Variants in DLC1 observed in about 807,000 individuals in gnomAD.
DLC1 encodes rho GTPase-activating protein 7.
In DLC1, 54 loss-of-function variants were observed where a neutral mutation model predicts 140.3. The ratio of observed to expected loss-of-function variants is 0.38; its 90% CI spans 0.31 to 0.48. The LOEUF (loss-of-function observed/expected upper bound fraction) is 0.48. DLC1 is among the 20% of genes least tolerant of loss of function. The pLI, the probability that DLC1 is intolerant of heterozygous loss-of-function variation, is 0.96. For synonymous variants in DLC1, 986 were observed against 728.1 expected, an observed-to-expected ratio of 1.35 and a Z score of -5.70; for missense variants, 2,536 against 1,907.0, an observed-to-expected ratio of 1.33 and a Z score of -6.14.
chr8:13,501,934 A>G (rs1021814214), intron 1 of DLC1, among the ~76,000 whole-genome samples: 4 of 152,164 alleles, frequency 2.6e-5, no homozygotes, highest in Non-Finnish European at 4.4e-5. Flanking sequence ...AGGGTTTTAG[A>G]TACTTTTCTC....
At chr8:13,539,630 T>C (rs1240057196) in intron 1 of DLC1, among the ~76,000 whole-genome samples, 1 of 152,088 alleles carries the variant, frequency 6.6e-6, no homozygotes, top group Non-Finnish European at 1.5e-5. Context: ...CAGCAACTGA[T>C]GTCAGGAGTT....
intron 2 of DLC1, among the ~76,000 whole-genome samples, chr8:13,446,620 G>A (rs1342433682): frequency 6.6e-6 from 1 of 152,012 alleles, no homozygotes; most frequent in East Asian, 1.9e-4. Context: ...AGGGGAGGAG[G>A]AGAGGGAAGG....
At chr8:13,234,685 G>C (rs896910512) in intron 5 of DLC1, among the ~76,000 whole-genome samples, 2 of 151,752 alleles carry the variant, frequency 1.3e-5, no homozygotes, top group Non-Finnish European at 2.9e-5. Context: ...ATAAAATAAT[G>C]GTGCATATAA....
At chr8:13,490,904 A>T (rs1416567886) in intron 2 of DLC1, among the ~76,000 whole-genome samples, 4 of 151,362 alleles carry the variant, frequency 2.6e-5, no homozygotes, top group Non-Finnish European at 5.9e-5. Context: ...ATACATCGTA[A>T]CTAATTTTTT....
rs1389488219 is a variant in DLC1 at position 13,401,458 on chromosome 8, T to C, written c.1173+12A>G. 6.2e-7 allele frequency: 1 copy of C among 1,611,206 alleles called. No individual in the cohort carries two copies. Among genetic ancestry groups the C allele is most frequent in the African/African-American group, 1.3e-5 (1 of 74,798 alleles). On this transcript the variant is annotated intron_variant, in intron 3 of 17. Transcript: ENST00000276297. ...CTCCTATGGGAAAAGAAGTAGAAAG[T>C]GGAAAGCTCACAGGAACGTGCCGCC...
At chr8:13,556,337 A>C (rs912529866) in intron 1 of DLC1, among the ~76,000 whole-genome samples, 3 of 152,192 alleles carry the variant, frequency 2.0e-5, no homozygotes, top group African/African-American at 7.2e-5. Flanking sequence ...ACTTGGCTAC[A>C]TGCTGGAATC....
chr8:13,598,963 T>C (rs993088719), intron 1 of DLC1, among the ~76,000 whole-genome samples: 2 of 151,874 alleles, frequency 1.3e-5, no homozygotes, highest in Non-Finnish European at 2.9e-5. Flanking sequence ...AAATAACCTA[T>C]AGTTATACTC....
intron 4 of DLC1, among the ~76,000 whole-genome samples, chr8:13,363,953 C>G (rs747223858): frequency 1.3e-5 from 2 of 152,172 alleles, no homozygotes; most frequent in Non-Finnish European, 2.9e-5. Context: ...CTCTAAGAAG[C>G]TCTTTGAAAT....
At chr8:13,297,734 A>C (rs1353804425) in intron 5 of DLC1, among the ~76,000 whole-genome samples, 1 of 152,132 alleles carries the variant, frequency 6.6e-6, no homozygotes, top group Non-Finnish European at 1.5e-5. Context: ...TCCTGTTTTA[A>C]TTTTTTCAGC....
chr8:13,603,946 A>AC (rs1805967316), intron 1 of DLC1, among the ~76,000 whole-genome samples: 1 of 152,100 alleles, frequency 6.6e-6, no homozygotes, highest in African/African-American at 2.4e-5. Context: ...ACATTAGCTA[A>AC]TTGTCAGAAA....
intron 5 of DLC1, among the ~76,000 whole-genome samples, chr8:13,130,305 C>A (rs572827316): frequency 3.9e-5 from 6 of 152,208 alleles, no homozygotes; most frequent in Admixed American, 6.5e-5. Flanking sequence ...CCTTTAAGTC[C>A]CATAATAGTT....
At chr8:13,413,879 G>C (rs1837925053) in intron 2 of DLC1, among the ~76,000 whole-genome samples, 1 of 152,060 alleles carries the variant, frequency 6.6e-6, no homozygotes, top group Non-Finnish European at 1.5e-5. Context: ...TATCTGTATA[G>C]CAATGTGAGA....
chr8:13,262,086 G>A (rs961207582), intron 5 of DLC1, among the ~76,000 whole-genome samples: 2 of 152,132 alleles, frequency 1.3e-5, no homozygotes, highest in Non-Finnish European at 2.9e-5. Flanking sequence ...TGGGGTAAGA[G>A]TGCTACTGTG....
chr8:13,574,843 C>T (rs1223187646), intron 1 of DLC1, among the ~76,000 whole-genome samples: 3 of 152,214 alleles, frequency 2.0e-5, no homozygotes, highest in East Asian at 1.9e-4. Flanking sequence ...TGGGACCCAG[C>T]TTAGAATACC....
intron 2 of DLC1, among the ~76,000 whole-genome samples, chr8:13,461,750 A>ATG (rs1799670271): frequency 1.3e-5 from 2 of 152,020 alleles, no homozygotes; most frequent in Admixed American, 1.3e-4. Flanking sequence ...TGACTTACCC[A>ATG]CCCAGGATCT....
intron 1 of DLC1, among the ~76,000 whole-genome samples, chr8:13,528,048 CA>C (rs1342203200): frequency 9.2e-5 from 14 of 151,848 alleles, no homozygotes; most frequent in South Asian, 2.1e-4. Flanking sequence ...CATGGGCATC[CA>C]AAAAAATCAT....
intron 5 of DLC1, among the ~76,000 whole-genome samples, chr8:13,171,125 A>G (rs1002286927): frequency 6.6e-6 from 1 of 152,224 alleles, no homozygotes; most frequent in Non-Finnish European, 1.5e-5. Flanking sequence ...GTGCAGGAGA[A>G]AAAAAGGGAA....
At chr8:13,361,346 C>G (rs543931573) in intron 4 of DLC1, among the ~76,000 whole-genome samples, 1 of 151,976 alleles carries the variant, frequency 6.6e-6, no homozygotes, top group Admixed American at 6.6e-5. Context: ...CCTCGAACTC[C>G]TGGGCTCAAG....
chr8:13,488,585 T>A (rs1158175917), intron 2 of DLC1, among the ~76,000 whole-genome samples: 1 of 152,176 alleles, frequency 6.6e-6, no homozygotes. Flanking sequence ...CTAAAATGTA[T>A]CCTTTAAAGC....
Sources: gnomAD v4.1 joint callset for allele counts (sites outside exome capture counted in the v4.1 genomes callset) on GRCh38, gnomAD v4.1.1 for gene constraint, MANE v1.5 for transcripts, NCBI Gene and HGNC (gene_info 2026-07-23, HGNC 2026-07-21) for gene names.